RBMS3: variants seen among roughly 807,000 people sequenced by gnomAD.
RBMS3 encodes RNA-binding motif, single-stranded-interacting protein 3.
Under a neutral mutation model 66.8 loss-of-function variants are expected in RBMS3, and 27 were observed. The ratio of observed to expected loss-of-function variants is 0.40; its 90% CI spans 0.30 to 0.56. The LOEUF (loss-of-function observed/expected upper bound fraction) is 0.56. Ranked by LOEUF, RBMS3 falls within the 20% of genes least tolerant of loss-of-function variation. The pLI is 0.40. For synonymous variants in RBMS3, 188 were observed against 183.0 expected (o/e 1.03, Z -0.22); for missense variants, 513 against 549.5 (o/e 0.93, Z 0.66).
intron 12 of RBMS3, among the ~76,000 whole-genome samples, chr3:29,961,082 C>A (rs1696403255): frequency 6.6e-6 from 1 of 152,028 alleles, no homozygotes; most frequent in Non-Finnish European, 1.5e-5. Context: ...GCAAATTTTC[C>A]AAACTTTTAT....
intron 2 of RBMS3, among the ~76,000 whole-genome samples, chr3:29,452,874 TCA>T (rs2042059837): frequency 6.6e-6 from 1 of 152,130 alleles, no homozygotes; most frequent in Non-Finnish European, 1.5e-5. Flanking sequence ...TTCTAAGAGG[TCA>T]CTAAAATTGC....
intron 6 of RBMS3, among the ~76,000 whole-genome samples, chr3:29,822,757 C>A (rs2058105094): frequency 6.6e-6 from 1 of 152,076 alleles, no homozygotes; most frequent in African/African-American, 2.4e-5. Context: ...CATTGGGCAA[C>A]CTTAGCAGGC....
At chr3:29,697,009 A>G (rs1252448810) in intron 4 of RBMS3, 33 of 985,142 alleles carry the variant, frequency 3.3e-5, no homozygotes, top group Admixed American at 6.2e-5. Flanking sequence ...CTAACTTGCT[A>G]CAAAGGAGGA....
chr3:29,822,906 A>G (rs1425879343), intron 6 of RBMS3, among the ~76,000 whole-genome samples: 1 of 152,168 alleles, frequency 6.6e-6, no homozygotes, highest in Non-Finnish European at 1.5e-5. Context: ...TCATAAGCAC[A>G]TTGCACATTC....
intron 5 of RBMS3, among the ~76,000 whole-genome samples, chr3:29,741,718 C>T (rs2054657298): frequency 6.6e-6 from 1 of 152,174 alleles, no homozygotes; most frequent in Admixed American, 6.5e-5. Flanking sequence ...GGAACAGTGG[C>T]TCATACAACA....
chr3:30,004,945 CAAAAA>C lies in RBMS3; in HGVS notation c.*1088_*1092del. 1 of 133,438 alleles carries C rather than the reference CAAAAA, an allele frequency of 7.5e-6. No homozygotes were observed. Among genetic ancestry groups the C allele is most frequent in the African/African-American group, 2.8e-5 (1 of 35,412 alleles). 8.3% of individuals were successfully genotyped at this position (133,438 alleles called of 1,614,324 possible). On this transcript the variant is annotated 3_prime_UTR_variant, in exon 15 of 15. Transcript: ENST00000383767. Reference sequence around the variant, plus strand: ...TGGTCAAAAAGTGCAAAAAAAAAAACAAAAAAAAAGCAATAGATAGAGAAATTGTT... The same window carrying C: ...TGGTCAAAAAGTGCAAAAAAAAAAACAAAAGCAATAGATAGAGAAATTGTT...
chr3:29,733,524 A>G (rs2054226102), intron 4 of RBMS3, among the ~76,000 whole-genome samples: 1 of 151,996 alleles, frequency 6.6e-6, no homozygotes, highest in East Asian at 1.9e-4. Context: ...CCTCACCAGC[A>G]TTGGTTATTT....
intron 3 of RBMS3, among the ~76,000 whole-genome samples, chr3:29,519,258 C>G (rs2044759401): frequency 6.6e-6 from 1 of 152,036 alleles, no homozygotes; most frequent in South Asian, 2.1e-4. Flanking sequence ...TCTGTAGAAC[C>G]TAAATGAGGA....
chr3:29,915,155 T>TA lies in RBMS3; in HGVS notation c.939+15413dup, dbSNP rs11297315. On this transcript the variant is annotated intron_variant, in intron 10 of 14. Coordinates refer to ENST00000383767, the MANE Select transcript of RBMS3 (RefSeq NM_001003793.3). ...CACTGCTTTTAGAATAGAGTGTTCC[T>TA]AAAAAAAAAAAAATCCATTTCTTTT... Among the ~76,000 whole-genome samples, 416 of 147,756 alleles carry TA rather than the reference T, an allele frequency of 2.8e-3. 1 individual carries two copies. The highest frequency in any genetic ancestry group is 7.3e-3 in the African/African-American group (295 of 40,616).
At chr3:29,714,362 G>A (rs9809942) in intron 4 of RBMS3, among the ~76,000 whole-genome samples, 6,025 of 152,278 alleles carry the variant, frequency 0.04, 145 homozygotes, top group Admixed American at 0.072. Flanking sequence ...TGCAACAGAT[G>A]GGTTAAAGTT....
At chr3:29,878,459 T>A (rs2059662362) in intron 7 of RBMS3, among the ~76,000 whole-genome samples, 1 of 152,126 alleles carries the variant, frequency 6.6e-6, no homozygotes. Flanking sequence ...AAACACTATA[T>A]CATTTCCCCT....
chr3:29,792,988 C>T (rs2057061892), intron 6 of RBMS3, among the ~76,000 whole-genome samples: 1 of 152,040 alleles, frequency 6.6e-6, no homozygotes, highest in African/African-American at 2.4e-5. Flanking sequence ...CCTTTAATCC[C>T]AGCGCTTTGG....
intron 3 of RBMS3, among the ~76,000 whole-genome samples, chr3:29,563,384 A>G (rs1006142303): frequency 2.0e-5 from 3 of 152,186 alleles, no homozygotes; most frequent in African/African-American, 7.2e-5. Context: ...TGTGACCAGC[A>G]TGGGTCTGTT....
intron 6 of RBMS3, among the ~76,000 whole-genome samples, chr3:29,775,287 G>A (rs1330030866): frequency 1.4e-5 from 2 of 147,354 alleles, no homozygotes; most frequent in African/African-American, 5.0e-5. Context: ...TGGTAAACAA[G>A]CATTCAGGCG....
At chr3:29,907,951 G>T (rs1319593837) in intron 10 of RBMS3, among the ~76,000 whole-genome samples, 1 of 151,928 alleles carries the variant, frequency 6.6e-6, no homozygotes, top group Non-Finnish European at 1.5e-5. Flanking sequence ...ATCTATTTAA[G>T]AATTTGTTAA....
intron 2 of RBMS3, among the ~76,000 whole-genome samples, chr3:29,467,792 T>C (rs1455497254): frequency 6.6e-6 from 1 of 152,208 alleles, no homozygotes; most frequent in African/African-American, 2.4e-5. Context: ...GCCAGTCTTA[T>C]GTGCATAAAG....
At chr3:29,955,042 A>T (rs1351415625) in intron 12 of RBMS3, among the ~76,000 whole-genome samples, 2 of 152,026 alleles carry the variant, frequency 1.3e-5, no homozygotes, top group Non-Finnish European at 2.9e-5. Flanking sequence ...ACCAGTATAT[A>T]CCAGAAATGT....
chr3:29,757,599 A>C (rs1466693914), intron 5 of RBMS3, among the ~76,000 whole-genome samples: 1 of 152,178 alleles, frequency 6.6e-6, no homozygotes, highest in African/African-American at 2.4e-5. Context: ...TTAAGTCAGA[A>C]TCTCCTGGGC....
chr3:30,004,651 G>A lies in RBMS3; in HGVS notation c.*789G>A, dbSNP rs1699751101. 6.6e-6 allele frequency: 1 copy of A among 152,136 alleles called. No individual in the cohort carries two copies. The highest frequency in any genetic ancestry group is 2.4e-5 in the African/African-American group (1 of 41,382). The allele number at this position is 152,136 out of a possible 1,614,324, so 9.4% of individuals were successfully genotyped here. Reference sequence around the variant, plus strand: ...TTTCATGAACTTTGTCTTAAGTGTTGACATGAATCATTCTAAAAGGCTAAA... The same window carrying A: ...TTTCATGAACTTTGTCTTAAGTGTTAACATGAATCATTCTAAAAGGCTAAA... On this transcript the variant is annotated 3_prime_UTR_variant, in exon 15 of 15. Coordinates refer to ENST00000383767, the MANE Select transcript of RBMS3 (RefSeq NM_001003793.3).
Sources: allele counts gnomAD v4.1 joint callset (sites outside exome capture counted in the v4.1 genomes callset), GRCh38; gene constraint gnomAD v4.1.1; transcripts MANE v1.5; gene names NCBI Gene and HGNC (gene_info 2026-07-23, HGNC 2026-07-21).